Variants in SH3BGRL2 observed in about 807,000 individuals in gnomAD.
The protein encoded by SH3BGRL2 is SH3 domain-binding glutamic acid-rich-like protein 2.
In SH3BGRL2, 21 loss-of-function variants were observed where a neutral mutation model predicts 14.8. The ratio of observed to expected loss-of-function variants is 1.42; its 90% confidence interval spans 1.01 to 2.05. The LOEUF is 2.05. SH3BGRL2 is among the 30% of genes most tolerant of loss of function. SH3BGRL2 has a pLI of 0.00. For missense variants in SH3BGRL2, 147 were observed against 130.8 expected, an observed-to-expected ratio of 1.12 and a Z score of -0.61; for synonymous variants, 50 against 47.8, an observed-to-expected ratio of 1.05 and a Z score of -0.19.
chr6:79,655,029 C>G (rs1769377095), intron 1 of SH3BGRL2, among the ~76,000 whole-genome samples: 1 of 152,118 alleles, frequency 6.6e-6, no homozygotes, highest in Admixed American at 6.6e-5. Context: ...AAAATGTTTA[C>G]ACGCAAAACT....
chr6:79,592,122 G>T, the SH3BGRL2 span, among the ~76,000 whole-genome samples: 6,726 of 152,156 alleles, frequency 0.044, 181 homozygotes, highest in Middle Eastern at 0.086. Flanking sequence ...CACAATCCTG[G>T]TGTACATATA....
At chr6:79,644,688 T>C (rs1437670832) in intron 1 of SH3BGRL2, among the ~76,000 whole-genome samples, 1 of 152,088 alleles carries the variant, frequency 6.6e-6, no homozygotes, top group Non-Finnish European at 1.5e-5. Flanking sequence ...CCTTTTTACT[T>C]CTCTGGATCT....
chr6:79,551,645 T>C, the SH3BGRL2 span, among the ~76,000 whole-genome samples: 1 of 152,100 alleles, frequency 6.6e-6, no homozygotes, highest in Non-Finnish European at 1.5e-5. Context: ...TGGCTAAACA[T>C]ACATACTCAA....
At chr6:79,645,154 C>CAAAA (rs68143148) in intron 1 of SH3BGRL2, among the ~76,000 whole-genome samples, 2 of 120,064 alleles carry the variant, frequency 1.7e-5, no homozygotes, top group African/African-American at 3.2e-5. Flanking sequence ...GAGTCCGTCT[C>CAAAA]AAAAAAAAAA....
chr6:79,562,814 A>G, the SH3BGRL2 span, among the ~76,000 whole-genome samples: 1 of 152,224 alleles, frequency 6.6e-6, no homozygotes, highest in Non-Finnish European at 1.5e-5. Context: ...AAAAATCAAA[A>G]CAAAACAAAA....
Position 79,631,449 on chromosome 6 carries a change from G to A in SH3BGRL2, c.-13G>A, listed in dbSNP as rs1768821535. 1 of 1,521,710 alleles carries A rather than the reference G, an allele frequency of 6.6e-7. No homozygotes were observed. 94.3% of individuals were successfully genotyped at this position (1,521,710 alleles called of 1,614,324 possible). A position where few individuals can be genotyped will look rare whatever the true frequency, so the allele number is the denominator to read the frequency against. ...CCGGGGGGCAAGGGGTCTGTCCCGG[G>A]CGCAGCGAGAGGATGGTCATCCGCG... On this transcript the variant is annotated 5_prime_UTR_variant, in exon 1 of 4. Coordinates refer to ENST00000369838, the MANE Select transcript of SH3BGRL2 (RefSeq NM_031469.4).
intron 1 of SH3BGRL2, among the ~76,000 whole-genome samples, chr6:79,659,109 GTTTCT>G (rs2127728703): frequency 6.6e-6 from 1 of 152,266 alleles, no homozygotes; most frequent in East Asian, 1.9e-4. Flanking sequence ...TCTGCTGGTA[GTTTCT>G]TTTGCCGTGC....
chr6:79,637,433 C>G (rs997752322), intron 1 of SH3BGRL2, among the ~76,000 whole-genome samples: 1 of 151,996 alleles, frequency 6.6e-6, no homozygotes, highest in Non-Finnish European at 1.5e-5. Context: ...TGGCTCATAC[C>G]TGTAATCCTA....
intron 1 of SH3BGRL2, among the ~76,000 whole-genome samples, chr6:79,640,780 T>A (rs1769015659): frequency 6.6e-6 from 1 of 152,052 alleles, no homozygotes; most frequent in African/African-American, 2.4e-5. Flanking sequence ...GGGTTCTAAC[T>A]AATTTAGGAT....
At chr6:79,555,548 G>A in the SH3BGRL2 span, among the ~76,000 whole-genome samples, 1 of 152,172 alleles carries the variant, frequency 6.6e-6, no homozygotes, top group Admixed American at 6.5e-5. Context: ...GTCTCAATCT[G>A]TCGCCAGGCT....
At chr6:79,553,699 T>TG in the SH3BGRL2 span, among the ~76,000 whole-genome samples, 6 of 152,044 alleles carry the variant, frequency 3.9e-5, no homozygotes, top group Non-Finnish European at 7.4e-5. Flanking sequence ...GGGCCAGGTG[T>TG]GGTGGCTCAC....
chr6:79,622,753 C>G, the SH3BGRL2 span, among the ~76,000 whole-genome samples: 1 of 152,066 alleles, frequency 6.6e-6, no homozygotes, highest in Admixed American at 6.5e-5. Flanking sequence ...TAGGAATTAC[C>G]AGGACATATT....
chr6:79,670,501 A>C (rs1229340800), intron 1 of SH3BGRL2, among the ~76,000 whole-genome samples: 1 of 152,208 alleles, frequency 6.6e-6, no homozygotes, highest in African/African-American at 2.4e-5. Flanking sequence ...TATTAAGTTT[A>C]TGTCTTACAG....
the SH3BGRL2 span, among the ~76,000 whole-genome samples, chr6:79,569,801 C>G: frequency 6.6e-6 from 1 of 152,160 alleles, no homozygotes; most frequent in Non-Finnish European, 1.5e-5. Flanking sequence ...GGTTTCTTTG[C>G]CTAACTTGTC....
intron 2 of SH3BGRL2, among the ~76,000 whole-genome samples, chr6:79,686,490 A>G (rs1047994605): frequency 5.3e-5 from 8 of 151,650 alleles, no homozygotes; most frequent in Non-Finnish European, 1.0e-4. Context: ...TATCTTCTAG[A>G]TCTCTAGCCT....
chr6:79,584,703 C>T, the SH3BGRL2 span, among the ~76,000 whole-genome samples: 14 of 152,072 alleles, frequency 9.2e-5, no homozygotes, highest in African/African-American at 3.4e-4. Context: ...TCCGGATTGA[C>T]ACCAAAATGA....
At chr6:79,644,893 C>T (rs796224501) in intron 1 of SH3BGRL2, among the ~76,000 whole-genome samples, 12 of 151,950 alleles carry the variant, frequency 7.9e-5, no homozygotes, top group African/African-American at 2.4e-4. Context: ...GGCGCGGTGG[C>T]TCACCCCTGT....
chr6:79,614,032 G>A, the SH3BGRL2 span, among the ~76,000 whole-genome samples: 2 of 152,140 alleles, frequency 1.3e-5, no homozygotes, highest in Non-Finnish European at 2.9e-5. Flanking sequence ...TCTGGCCCCA[G>A]TCCCAGAGCA....
chr6:79,669,123 T>C (rs189845670), intron 1 of SH3BGRL2, among the ~76,000 whole-genome samples: 1 of 152,230 alleles, frequency 6.6e-6, no homozygotes, highest in Non-Finnish European at 1.5e-5. Context: ...ATTCAGTTAA[T>C]ATTTATTGAG....
Sources: allele counts gnomAD v4.1 joint callset (sites outside exome capture counted in the v4.1 genomes callset), GRCh38; gene constraint gnomAD v4.1.1; transcripts MANE v1.5; gene names NCBI Gene and HGNC (gene_info 2026-07-23, HGNC 2026-07-21).